The following VAT1L variants were observed in gnomAD, a reference collection of about 807,000 sequenced individuals.
VAT1L encodes the protein vesicle amine transport 1 like.
In VAT1L, 34 loss-of-function variants were observed where a neutral mutation model predicts 44.1. The ratio of observed to expected loss-of-function variants is 0.77; its 90% CI spans 0.59 to 1.03. The LOEUF is 1.03. Among genes scored for constraint, VAT1L ranks in the 50% least tolerant of loss-of-function variants. The probability of loss-of-function intolerance (pLI) is 0.00; values close to 1 mark genes in which losing one functional copy is unlikely to be tolerated. For synonymous variants in VAT1L, 253 were observed against 202.2 expected (o/e 1.25, Z -2.13); for missense variants, 615 against 538.8 (o/e 1.14, Z -1.40).
At chr16:77,888,361 T>C (rs766550740) in intron 7 of VAT1L, among the ~76,000 whole-genome samples, 12 of 152,276 alleles carry the variant, frequency 7.9e-5, no homozygotes, top group Non-Finnish European at 1.3e-4. Flanking sequence ...GTGCCTGGCA[T>C]GGAATAGGTG....
intron 8 of VAT1L, among the ~76,000 whole-genome samples, chr16:77,973,221 G>C (rs1451302090): frequency 1.3e-5 from 2 of 152,214 alleles, no homozygotes; most frequent in Non-Finnish European, 2.9e-5. Flanking sequence ...TATCGGTAAA[G>C]TGGAGATTGA....
intron 7 of VAT1L, chr16:77,893,057 T>G: frequency 1.9e-6 from 1 of 520,112 alleles, no homozygotes; most frequent in East Asian, 3.3e-5. Context: ...GTTTTCCTTG[T>G]TCCCTTCCAT....
At chr16:77,851,883 C>G (rs1230122854) in intron 3 of VAT1L, among the ~76,000 whole-genome samples, 1 of 152,122 alleles carries the variant, frequency 6.6e-6, no homozygotes, top group Non-Finnish European at 1.5e-5. Flanking sequence ...CAGTGCTGAG[C>G]GCCATCACAC....
At chr16:77,951,185 C>T (rs1360767256) in intron 7 of VAT1L, among the ~76,000 whole-genome samples, 2 of 152,190 alleles carry the variant, frequency 1.3e-5, no homozygotes, top group Non-Finnish European at 1.5e-5. Flanking sequence ...CAAAGCTCAA[C>T]AATGGGAGCT....
intron 7 of VAT1L, among the ~76,000 whole-genome samples, chr16:77,913,622 A>T (rs920892020): frequency 6.6e-6 from 1 of 151,826 alleles, no homozygotes; most frequent in African/African-American, 2.4e-5. Context: ...TTATCTTGCA[A>T]TGTCCCAGGG....
At chr16:77,911,950 T>G (rs2017504052) in intron 7 of VAT1L, among the ~76,000 whole-genome samples, 1 of 152,238 alleles carries the variant, frequency 6.6e-6, no homozygotes, top group Non-Finnish European at 1.5e-5. Context: ...GGTTGATTTA[T>G]GTCCACTGAA....
intron 7 of VAT1L, among the ~76,000 whole-genome samples, chr16:77,957,586 G>A (rs544487544): frequency 2.0e-5 from 3 of 151,984 alleles, no homozygotes; most frequent in African/African-American, 7.2e-5. Context: ...TTAGCTGGGT[G>A]TGGTGGCACG....
chr16:77,846,569 A>G (rs2016759919), intron 3 of VAT1L, among the ~76,000 whole-genome samples: 1 of 152,212 alleles, frequency 6.6e-6, no homozygotes, highest in Non-Finnish European at 1.5e-5. Context: ...AATGAGCTAG[A>G]CACAAAGTAT....
At chr16:77,960,702 G>C (rs571808013) in intron 7 of VAT1L, among the ~76,000 whole-genome samples, 2 of 152,282 alleles carry the variant, frequency 1.3e-5, no homozygotes, top group South Asian at 4.1e-4. Flanking sequence ...AGAGGCCAGA[G>C]AATGGAAGAG....
At chr16:77,902,987 A>G (rs11866001) in intron 7 of VAT1L, among the ~76,000 whole-genome samples, 4,259 of 151,572 alleles carry the variant, frequency 0.028, 207 homozygotes, top group African/African-American at 0.096. Flanking sequence ...AAAAAAAAAA[A>G]AAAGAAAGAA....
Position 77,951,998 on chromosome 16 carries a change from G to A in VAT1L, c.1078-19852G>A, listed in dbSNP as rs373518374. ...GGCAAAGTCCTAAAGGACGTTTCAG[G>A]AAGAAGGCAGGTGAGCTGAAGCCAT... is the stretch of plus-strand genomic sequence containing the variant. On this transcript the variant is annotated intron_variant, in intron 7 of 8. Transcript: ENST00000302536. Among the ~76,000 whole-genome samples the A allele has an allele frequency of 2.6e-5, 4 of 152,122 alleles. No individual in the cohort carries two copies. In the East Asian group the frequency reaches 7.7e-4, roughly 29 times the overall value.
chr16:77,910,911 G>A (rs1020349870), intron 7 of VAT1L, among the ~76,000 whole-genome samples: 2 of 152,138 alleles, frequency 1.3e-5, no homozygotes, highest in African/African-American at 4.8e-5. Flanking sequence ...CCCATAAGAT[G>A]CAATTGCTAT....
At chr16:77,801,763 C>G (rs1268129646) in intron 1 of VAT1L, 1 of 150,204 alleles carries the variant, frequency 6.7e-6, no homozygotes. Flanking sequence ...AAAGAAATGC[C>G]TTTCATTTAT....
At chr16:77,819,224 T>C (rs564376179) in intron 2 of VAT1L, among the ~76,000 whole-genome samples, 1 of 152,262 alleles carries the variant, frequency 6.6e-6, no homozygotes, top group South Asian at 2.1e-4. Flanking sequence ...AAATATTCTG[T>C]TCATTACACT....
chr16:77,869,265 G>A (rs142598279), intron 4 of VAT1L, among the ~76,000 whole-genome samples: 7 of 152,184 alleles, frequency 4.6e-5, no homozygotes, highest in South Asian at 4.1e-4. Context: ...TAGACAATGA[G>A]GAATGGAGCT....
rs55896887 is a variant in VAT1L, at chr16:77,966,932, TAAAAAAAAAA to T, written c.1078-4900_1078-4891del. Among the ~76,000 whole-genome samples, 1,035 of 106,586 alleles carry T rather than the reference TAAAAAAAAAA, an allele frequency of 9.7e-3. 29 individuals are homozygous for T. The highest frequency in any genetic ancestry group is 0.037 in the African/African-American group (968 of 26,330). 69.9% of individuals were successfully genotyped at this position (106,586 alleles called of 152,430 possible). Reference sequence around the variant, plus strand: ...AAGGGTTTTAAGCAGTAGAGTACTTTAAAAAAAAAAAAAAAAAAAAAAAAAAAGCACCTCT... The same window carrying T: ...AAGGGTTTTAAGCAGTAGAGTACTTTAAAAAAAAAAAAAAAAAGCACCTCT... On this transcript the variant is annotated intron_variant, in intron 7 of 8. Transcript: ENST00000302536.
At chr16:77,798,003 C>A (rs1416742368) in intron 1 of VAT1L, among the ~76,000 whole-genome samples, 5 of 152,142 alleles carry the variant, frequency 3.3e-5, no homozygotes, top group Non-Finnish European at 7.3e-5. Context: ...TATCTTTGAA[C>A]ATGATATTTT....
At chr16:77,935,623 T>G (rs1296094768) in intron 7 of VAT1L, among the ~76,000 whole-genome samples, 27 of 133,138 alleles carry the variant, frequency 2.0e-4, no homozygotes, top group East Asian at 6.6e-4. Context: ...GAGGGATGAG[T>G]GGGGGGAAGA....
In VAT1L at chr16:77,971,456, AAC is replaced by A. The variant is rs564516759; in HGVS notation, c.1078-392_1078-391del. On this transcript the variant is annotated intron_variant, in intron 7 of 8. Coordinates refer to ENST00000302536, the MANE Select transcript of VAT1L (RefSeq NM_020927.3). Reference sequence around the variant, plus strand: ...GCCCAACTACGAGTCACAGTTAAATAACATTGAAGTAAGCAGGGCACAAATGA... The same window carrying A: ...GCCCAACTACGAGTCACAGTTAAATAATTGAAGTAAGCAGGGCACAAATGA... Among the ~76,000 whole-genome samples the A allele has an allele frequency of 8.0e-3, 1,220 of 152,314 alleles. 17 individuals are homozygous for A. Among genetic ancestry groups the A allele is most frequent in the African/African-American group, 0.027 (1,125 of 41,558 alleles).
Sources: gnomAD v4.1 joint callset for allele counts (sites outside exome capture counted in the v4.1 genomes callset) on GRCh38, gnomAD v4.1.1 for gene constraint, MANE v1.5 for transcripts, NCBI Gene and HGNC (gene_info 2026-07-23, HGNC 2026-07-21) for gene names.